Variants in RNLS observed in about 807,000 individuals in gnomAD.
The protein encoded by RNLS is renalase.
Under a neutral mutation model 39.8 loss-of-function variants are expected in RNLS, and 39 were observed. The observed-to-expected ratio is 0.98, with a 90% CI of 0.76 to 1.28. The LOEUF is 1.28. RNLS is among the 50% of genes most tolerant of loss of function. The probability of loss-of-function intolerance (pLI) is 0.00; values close to 1 mark genes in which losing one functional copy is unlikely to be tolerated. For synonymous variants in RNLS, 147 were observed against 150.7 expected (o/e 0.98, Z 0.18); for missense variants, 410 against 413.3 (o/e 0.99, Z 0.07).
At chr10:88,175,891 A>G in the RNLS span, among the ~76,000 whole-genome samples, 1 of 152,104 alleles carries the variant, frequency 6.6e-6, no homozygotes, top group African/African-American at 2.4e-5. Flanking sequence ...AGATCTAATA[A>G]TTTTTTCTTC....
At chr10:88,179,997 G>C in the RNLS span, among the ~76,000 whole-genome samples, 1 of 152,170 alleles carries the variant, frequency 6.6e-6, no homozygotes, top group African/African-American at 2.4e-5. Context: ...AAGTCAATTT[G>C]GCACCAACAG....
chr10:88,465,930 C>T (rs1405535447), intron 4 of RNLS, among the ~76,000 whole-genome samples: 3 of 151,948 alleles, frequency 2.0e-5, no homozygotes, highest in Non-Finnish European at 2.9e-5. Flanking sequence ...TCAGGTCAAC[C>T]ACTACTGGCC....
intron 4 of RNLS, among the ~76,000 whole-genome samples, chr10:88,493,968 A>G (rs1845025575): frequency 6.6e-6 from 1 of 152,162 alleles, no homozygotes; most frequent in Admixed American, 6.6e-5. Flanking sequence ...CCTGGCTCTA[A>G]AATTAAACTA....
intron 4 of RNLS, among the ~76,000 whole-genome samples, chr10:88,458,034 G>C (rs1355374455): frequency 6.6e-6 from 1 of 152,156 alleles, no homozygotes. Flanking sequence ...AAGCCTGAAT[G>C]GTAACATTTG....
chr10:88,409,253 T>G (rs908269021), intron 4 of RNLS, among the ~76,000 whole-genome samples: 13 of 152,108 alleles, frequency 8.5e-5, no homozygotes, highest in Admixed American at 2.6e-4. Context: ...GTTAATTTAA[T>G]TAGCCCTATT....
intron 4 of RNLS, among the ~76,000 whole-genome samples, chr10:88,418,694 G>T (rs376033504): frequency 2.0e-5 from 3 of 152,046 alleles, no homozygotes; most frequent in African/African-American, 7.2e-5. Context: ...TTGCACAAGT[G>T]GTTCAAGCAG....
intron 4 of RNLS, among the ~76,000 whole-genome samples, chr10:88,403,571 G>C (rs577118499): frequency 3.3e-5 from 5 of 152,088 alleles, no homozygotes; most frequent in African/African-American, 1.2e-4. Flanking sequence ...GACAATTGCT[G>C]AATCTAGATT....
intron 4 of RNLS, among the ~76,000 whole-genome samples, chr10:88,418,783 A>G (rs1399688263): frequency 6.6e-6 from 1 of 152,220 alleles, no homozygotes; most frequent in East Asian, 1.9e-4. Flanking sequence ...AATGGAGTAT[A>G]TACTACAAAT....
At chr10:88,261,662 A>G in the RNLS span, among the ~76,000 whole-genome samples, 1 of 152,156 alleles carries the variant, frequency 6.6e-6, no homozygotes, top group Non-Finnish European at 1.5e-5. Context: ...CACTTCTACC[A>G]CACCCTCCCT....
intron 6 of RNLS, among the ~76,000 whole-genome samples, chr10:88,276,545 G>T (rs1207349639): frequency 6.6e-6 from 1 of 152,010 alleles, no homozygotes; most frequent in South Asian, 2.1e-4. Flanking sequence ...AATAATTATT[G>T]CTTTCTCATT....
In RNLS at chr10:88,309,461, C is replaced by T; in HGVS notation, c.876+5005G>A. On this transcript the variant is annotated intron_variant, in intron 6 of 6. Transcript: ENST00000331772. ...GCTCTTCTGTGTGCACATCCACTTCCCCCACCAAACAAAATCTGTAAGAAA... is the reference window on the plus strand; with the variant it reads ...GCTCTTCTGTGTGCACATCCACTTCTCCCACCAAACAAAATCTGTAAGAAA... The T allele has an allele frequency of 3.9e-6, 5 of 1,289,696 alleles. No homozygotes were observed. The African/African-American group carries it at 6.1e-5, about 16-fold the overall frequency. 79.9% of individuals were successfully genotyped at this position (1,289,696 alleles called of 1,614,324 possible).
chr10:88,544,834 AG>A (rs113523110), intron 4 of RNLS, among the ~76,000 whole-genome samples: 7 of 152,330 alleles, frequency 4.6e-5, no homozygotes, highest in African/African-American at 1.4e-4. Flanking sequence ...GACTATGGAA[AG>A]GATGCTTTCA....
intron 4 of RNLS, among the ~76,000 whole-genome samples, chr10:88,491,326 A>C (rs542846725): frequency 2.0e-4 from 31 of 152,318 alleles, no homozygotes; most frequent in Non-Finnish European, 3.4e-4. Flanking sequence ...AGAGTAGCCT[A>C]CCTGCACCTG....
intron 4 of RNLS, among the ~76,000 whole-genome samples, chr10:88,414,023 C>T (rs935988066): frequency 9.2e-5 from 14 of 152,090 alleles, no homozygotes; most frequent in African/African-American, 3.4e-4. Context: ...ATATAAATAT[C>T]ATGTCATTTT....
intron 4 of RNLS, among the ~76,000 whole-genome samples, chr10:88,391,634 ATT>A (rs1453784879): frequency 4.6e-5 from 7 of 152,178 alleles, no homozygotes; most frequent in Non-Finnish European, 8.8e-5. Flanking sequence ...TATTAAAAAT[ATT>A]TGTTATTAAA....
intron 4 of RNLS, among the ~76,000 whole-genome samples, chr10:88,413,012 TG>T (rs1235826804): frequency 6.6e-6 from 1 of 152,180 alleles, no homozygotes; most frequent in African/African-American, 2.4e-5. Flanking sequence ...TTCACTACTG[TG>T]TTTAAGGAAT....
At chr10:88,465,401 A>T (rs1030243363) in intron 4 of RNLS, among the ~76,000 whole-genome samples, 3 of 152,118 alleles carry the variant, frequency 2.0e-5, no homozygotes, top group Admixed American at 6.6e-5. Flanking sequence ...AATAAGATAT[A>T]TAGTCTCTGA....
At chr10:88,505,586 A>G (rs981022349) in intron 4 of RNLS, among the ~76,000 whole-genome samples, 4 of 152,138 alleles carry the variant, frequency 2.6e-5, no homozygotes, top group Non-Finnish European at 5.9e-5. Context: ...AAGTTTTTTA[A>G]AGAATAATGA....
chr10:88,181,315 CAG>C, the RNLS span, among the ~76,000 whole-genome samples: 1 of 152,150 alleles, frequency 6.6e-6, no homozygotes, highest in Non-Finnish European at 1.5e-5. Context: ...CAAGAGGAAA[CAG>C]GGGCCTATTC....
Sources: gnomAD v4.1 joint callset for allele counts (sites outside exome capture counted in the v4.1 genomes callset) on GRCh38, gnomAD v4.1.1 for gene constraint, MANE v1.5 for transcripts, NCBI Gene and HGNC (gene_info 2026-07-23, HGNC 2026-07-21) for gene names.